Variants in PTK2 observed in about 807,000 individuals in gnomAD.
PTK2 encodes protein tyrosine kinase 2.
In PTK2, 45 loss-of-function variants were observed where a neutral mutation model predicts 150.1. That is an observed-to-expected ratio of 0.30 (90% CI 0.24 to 0.38). The LOEUF (loss-of-function observed/expected upper bound fraction) is 0.38, where lower values mean the gene tolerates loss of function less well. Ranked by LOEUF, PTK2 falls within the 10% of genes least tolerant of loss-of-function variation. The pLI is 1.00. For missense variants in PTK2, 919 were observed against 1,307.3 expected (o/e 0.70, Z 4.58); for synonymous variants, 432 against 449.2 (o/e 0.96, Z 0.48).
chr8:140,987,032 G>A (rs545527181), intron 1 of PTK2, among the ~76,000 whole-genome samples: 17 of 152,026 alleles, frequency 1.1e-4, no homozygotes, highest in Admixed American at 2.6e-4. Context: ...TCATCAAAAC[G>A]TATAATTTAT....
chr8:140,686,225 C>A (rs2100019708), intron 27 of PTK2, among the ~76,000 whole-genome samples: 1 of 152,030 alleles, frequency 6.6e-6, no homozygotes, highest in African/African-American at 2.4e-5. Context: ...ACAACAGACT[C>A]CGGGGCCCAC....
At chr8:140,737,071 T>C (rs2100052989) in intron 21 of PTK2, among the ~76,000 whole-genome samples, 1 of 152,242 alleles carries the variant, frequency 6.6e-6, no homozygotes, top group Non-Finnish European at 1.5e-5. Flanking sequence ...TTATCAGTAG[T>C]AGCAACACTG....
intron 24 of PTK2, among the ~76,000 whole-genome samples, chr8:140,704,162 C>T (rs1168763064): frequency 1.3e-5 from 2 of 152,156 alleles, no homozygotes; most frequent in Non-Finnish European, 2.9e-5. Flanking sequence ...TAGGAATTTT[C>T]ACAACAAGGA....
At chr8:140,828,928 T>G (rs2100113583) in intron 8 of PTK2, among the ~76,000 whole-genome samples, 1 of 152,208 alleles carries the variant, frequency 6.6e-6, no homozygotes, top group Non-Finnish European at 1.5e-5. Context: ...TTTAAAACTC[T>G]TTGTTCTCTT....
At chr8:140,943,936 C>T (rs2100176751) in intron 1 of PTK2, among the ~76,000 whole-genome samples, 1 of 152,068 alleles carries the variant, frequency 6.6e-6, no homozygotes, top group African/African-American at 2.4e-5. Flanking sequence ...ATTGAGACAC[C>T]TATCTTTTTT....
At chr8:140,747,174 G>A (rs1248349070) in intron 17 of PTK2, 1 of 218,714 alleles carries the variant, frequency 4.6e-6, no homozygotes, top group South Asian at 8.6e-5. Context: ...ACAGGCGTGA[G>A]CCACCGCACC....
At chr8:140,880,468 T>C (rs544692706) in intron 3 of PTK2, among the ~76,000 whole-genome samples, 1 of 152,340 alleles carries the variant, frequency 6.6e-6, no homozygotes, top group East Asian at 1.9e-4. Flanking sequence ...TTTGGGAACA[T>C]GACAGAACCA....
chr8:140,877,024 CCTTTTT>C lies in PTK2; in HGVS notation c.362+2441_362+2446del, dbSNP rs1285258394. Among the ~76,000 whole-genome samples the C allele has an allele frequency of 2.6e-3, 336 of 130,276 alleles. 1 individual carries two copies. The highest frequency in any genetic ancestry group is 0.013 in the South Asian group (53 of 4,088). The allele number at this position is 130,276 out of a possible 152,430, so 85.5% of individuals were successfully genotyped here. On this transcript the variant is annotated intron_variant, in intron 4 of 31. Coordinates refer to ENST00000522684, the Ensembl canonical transcript of PTK2. Reference sequence around the variant, plus strand: ...TACTATGCATGTAACTTTCACTAATCCTTTTTTTTTTTTTTTTTTTTTTTTTGAGAC... The same window carrying C: ...TACTATGCATGTAACTTTCACTAATCTTTTTTTTTTTTTTTTTTTTGAGAC...
chr8:140,738,996 C>A, intron 21 of PTK2, 22 bp downstream of exon 24: 4 of 1,437,600 alleles, frequency 2.8e-6, no homozygotes, highest in East Asian at 2.4e-5. Flanking sequence ...TTAAAGAATA[C>A]AAAACTTTTA....
chr8:140,698,170 C>T (rs1402236541), intron 26 of PTK2, among the ~76,000 whole-genome samples: 2 of 152,192 alleles, frequency 1.3e-5, no homozygotes, highest in East Asian at 1.9e-4. Flanking sequence ...TTCTGCTCTT[C>T]CTTATGTTCT....
intron 14 of PTK2, among the ~76,000 whole-genome samples, chr8:140,783,651 C>A (rs945988810): frequency 2.0e-5 from 3 of 152,078 alleles, no homozygotes; most frequent in African/African-American, 7.2e-5. Context: ...TACAAGTGAG[C>A]TGTTTTAGAA....
At chr8:140,678,902 A>G (rs1474397128) in intron 27 of PTK2, among the ~76,000 whole-genome samples, 1 of 151,662 alleles carries the variant, frequency 6.6e-6, no homozygotes, top group East Asian at 1.9e-4. Flanking sequence ...TGCTTCAGGC[A>G]ATAAAATCCA....
chr8:140,977,521 C>T (rs1280724438), intron 1 of PTK2, among the ~76,000 whole-genome samples: 1 of 151,816 alleles, frequency 6.6e-6, no homozygotes, highest in East Asian at 1.9e-4. Flanking sequence ...ACTCAGGAGG[C>T]TGAGGCAGGA....
In PTK2 at chr8:140,761,398, A is replaced by G. The variant is rs2100069365; in HGVS notation, c.1235-136T>C. 6 of 758,806 alleles carry G rather than the reference A, an allele frequency of 7.9e-6. No homozygotes were observed. In the East Asian group the frequency reaches 1.5e-4, roughly 19 times the overall value. 47.0% of individuals were successfully genotyped at this position (758,806 alleles called of 1,614,324 possible). On this transcript the variant is annotated intron_variant, in intron 15 of 31. Coordinates refer to ENST00000522684, the Ensembl canonical transcript of PTK2. ...CAATCTATGAAAATGCTTTAAACACAGTGGAATTCTCTTAAACAATATTTT... is the reference window on the plus strand; with the variant it reads ...CAATCTATGAAAATGCTTTAAACACGGTGGAATTCTCTTAAACAATATTTT...
intron 27 of PTK2, among the ~76,000 whole-genome samples, chr8:140,683,162 G>C (rs11995103): frequency 0.39 from 58,769 of 151,904 alleles, 12,712 homozygotes; most frequent in Non-Finnish European, 0.49. Flanking sequence ...CAACGACAAA[G>C]GGGACATTAC....
At chr8:140,881,417 A>T (rs1314768878) in intron 3 of PTK2, among the ~76,000 whole-genome samples, 1 of 152,166 alleles carries the variant, frequency 6.6e-6, no homozygotes, top group African/African-American at 2.4e-5. Flanking sequence ...TTCCCACAAA[A>T]GCTCCTGGTT....
intron 1 of PTK2, among the ~76,000 whole-genome samples, chr8:140,933,278 A>C (rs1434189747): frequency 1.3e-5 from 2 of 152,196 alleles, no homozygotes; most frequent in Admixed American, 1.3e-4. Flanking sequence ...AAAAAAACAG[A>C]AGAACTGCAT....
intron 1 of PTK2, among the ~76,000 whole-genome samples, chr8:140,956,119 G>A (rs535002776): frequency 2.6e-5 from 4 of 152,320 alleles, no homozygotes; most frequent in South Asian, 2.1e-4. Flanking sequence ...AACCTGATAC[G>A]TCTAAGAAGA....
chr8:140,980,951 G>A (rs2154609934), intron 1 of PTK2, among the ~76,000 whole-genome samples: 1 of 135,708 alleles, frequency 7.4e-6, no homozygotes, highest in East Asian at 2.1e-4. Context: ...TAGTACAGCT[G>A]GGGTTTCATT....
Sources: gnomAD v4.1 joint callset for allele counts (sites outside exome capture counted in the v4.1 genomes callset) on GRCh38, gnomAD v4.1.1 for gene constraint, MANE v1.5 for transcripts, NCBI Gene and HGNC (gene_info 2026-07-23, HGNC 2026-07-21) for gene names.